INPP5A: variants seen among roughly 807,000 people sequenced by gnomAD.
INPP5A encodes the protein inositol polyphosphate-5-phosphatase A, also known as 43 kDa inositol polyphosphate 5-phophatase.
In INPP5A, 14 loss-of-function variants were observed where a neutral mutation model predicts 65.2. The observed-to-expected ratio is 0.21, with a 90% CI of 0.14 to 0.34. INPP5A has a LOEUF of 0.34. Among genes scored for constraint, INPP5A ranks in the 10% least tolerant of loss-of-function variants. The pLI, the probability that INPP5A is intolerant of heterozygous loss-of-function variation, is 1.00. For missense variants in INPP5A, 431 were observed against 545.6 expected, an observed-to-expected ratio of 0.79 and a Z score of 2.09; for synonymous variants, 207 against 208.3, an observed-to-expected ratio of 0.99 and a Z score of 0.05.
chr10:132,759,729 C>T (rs1049799595), intron 11 of INPP5A, among the ~76,000 whole-genome samples: 37 of 152,052 alleles, frequency 2.4e-4, no homozygotes, highest in African/African-American at 8.0e-4. Context: ...GCAGGAGCCC[C>T]GGCCGTAAGC....
intron 1 of INPP5A, among the ~76,000 whole-genome samples, chr10:132,554,624 G>A (rs547265013): frequency 6.6e-6 from 1 of 151,664 alleles, no homozygotes; most frequent in South Asian, 2.1e-4. Context: ...GGCATGATTA[G>A]CACTGATGTG....
chr10:132,779,740 G>A (rs541493783), intron 13 of INPP5A, among the ~76,000 whole-genome samples: 7 of 152,288 alleles, frequency 4.6e-5, no homozygotes, highest in African/African-American at 9.6e-5. Context: ...GACGGGCGCC[G>A]GGCGCGCTCC....
chr10:132,769,066 G>A (rs1156318095), intron 12 of INPP5A, among the ~76,000 whole-genome samples: 3 of 152,230 alleles, frequency 2.0e-5, no homozygotes, highest in African/African-American at 7.2e-5. Context: ...GGGCGTTGGT[G>A]CGTACACTGG....
rs1846015513 is a variant in INPP5A at position 132,727,979 on chromosome 10, C to T, written c.732+1074C>T. 6.6e-6 allele frequency among the ~76,000 whole-genome samples: 1 copy of T among 152,208 alleles called. No individual in the cohort carries two copies. Among genetic ancestry groups the T allele is most frequent in the South Asian group, 2.1e-4 (1 of 4,832 alleles). On this transcript the variant is annotated intron_variant, in intron 9 of 15. Coordinates refer to ENST00000368594, the MANE Select transcript of INPP5A (RefSeq NM_005539.5). This position sits in a 1 kb window ranked among gnomAD's most constrained non-coding sequence, Gnocchi z 6.5. ...TATTCATCTTCCAACGGTGGCAGGA[C>T]ATTGTTTCTGAAAGACAGACTGAGC...
chr10:132,729,793 A>G (rs961590508), intron 9 of INPP5A, among the ~76,000 whole-genome samples: 11 of 152,208 alleles, frequency 7.2e-5, no homozygotes, highest in Non-Finnish European at 1.6e-4. Flanking sequence ...CTTAACTTTA[A>G]ACATCAAACT....
At chr10:132,582,678 C>T (rs988381763) in intron 1 of INPP5A, among the ~76,000 whole-genome samples, 9 of 152,222 alleles carry the variant, frequency 5.9e-5, no homozygotes, top group Non-Finnish European at 1.2e-4. Context: ...GCATCGAACT[C>T]CCAAAGTGCT....
chr10:132,660,070 C>T (rs1197175965), intron 4 of INPP5A, among the ~76,000 whole-genome samples: 1 of 152,224 alleles, frequency 6.6e-6, no homozygotes, highest in Non-Finnish European at 1.5e-5. Context: ...CACGTTCTGA[C>T]GTCTGCCAAT....
chr10:132,598,087 T>C (rs2071730791), intron 1 of INPP5A, among the ~76,000 whole-genome samples: 2 of 152,258 alleles, frequency 1.3e-5, no homozygotes, highest in Non-Finnish European at 2.9e-5. Context: ...GTCTGGGACC[T>C]ACCCTTCCTA....
rs755003005 is a variant in INPP5A at position 132,603,335 on chromosome 10, C to T, written c.76-4580C>T. 3.3e-5 allele frequency among the ~76,000 whole-genome samples: 5 copies of T among 152,206 alleles called. No homozygotes were observed. The South Asian group carries it at 1.0e-3, about 31-fold the overall frequency. On this transcript the variant is annotated intron_variant, in intron 1 of 15. Coordinates refer to ENST00000368594, the MANE Select transcript of INPP5A (RefSeq NM_005539.5). The surrounding 1 kb of genome is among the most constrained non-coding windows in gnomAD (Gnocchi z 4.2). ...ATTTTATAAGGTCTGTTTCTCCCTTCCCTTCAGAATATGCACTATAGAAAA... is the reference window on the plus strand; with the variant it reads ...ATTTTATAAGGTCTGTTTCTCCCTTTCCTTCAGAATATGCACTATAGAAAA...
rs1433038194 is a variant in INPP5A, at chr10:132,546,534, G to A, written c.75+8363G>A. Among the ~76,000 whole-genome samples, 1 of 152,128 alleles carries A rather than the reference G, an allele frequency of 6.6e-6. No homozygotes were observed. Among genetic ancestry groups the A allele is most frequent in the African/African-American group, 2.4e-5 (1 of 41,432 alleles). ...GACCAGCTGGTTGCTGTGTCGGGGG[G>A]CCGTGCTCCCCCTTCTCTCTTGGAA... On this transcript the variant is annotated intron_variant, in intron 1 of 15. Coordinates refer to ENST00000368594, the MANE Select transcript of INPP5A (RefSeq NM_005539.5). This position sits in a 1 kb window ranked among gnomAD's most constrained non-coding sequence, Gnocchi z 5.7.
intron 7 of INPP5A, among the ~76,000 whole-genome samples, chr10:132,709,621 G>T (rs373224800): frequency 6.6e-6 from 1 of 152,170 alleles, no homozygotes; most frequent in African/African-American, 2.4e-5. Context: ...CTGGAGGAGG[G>T]CAAGACCGCC....
chr10:132,701,187 G>A (rs1037288046), intron 6 of INPP5A, among the ~76,000 whole-genome samples: 1 of 152,228 alleles, frequency 6.6e-6, no homozygotes, highest in Non-Finnish European at 1.5e-5. Flanking sequence ...CCATCTGCCT[G>A]CTGAAGGAAC....
chr10:132,686,021 G>C (rs1448320876), intron 4 of INPP5A, among the ~76,000 whole-genome samples: 1 of 152,234 alleles, frequency 6.6e-6, no homozygotes, highest in East Asian at 1.9e-4. Flanking sequence ...GTTGCGCCCT[G>C]GTCGCCAGTT....
intron 1 of INPP5A, among the ~76,000 whole-genome samples, chr10:132,556,613 C>T (rs1333427879): frequency 6.6e-6 from 1 of 152,222 alleles, no homozygotes; most frequent in African/African-American, 2.4e-5. Flanking sequence ...CACACATGCT[C>T]ATCACACACT....
chr10:132,747,359 G>A (rs149143813), intron 9 of INPP5A, among the ~76,000 whole-genome samples: 143 of 152,382 alleles, frequency 9.4e-4, no homozygotes, highest in African/African-American at 3.1e-3. Flanking sequence ...CCCATCAGCC[G>A]GTCTGTGCTC....
At position 132,782,241 on chromosome 10, in the gene INPP5A, G is replaced by A; in HGVS notation, c.*212G>A. ...TCGTCTGTCTATGTGACATTAAGTA[G>A]AAATATTGGTTTTTTTTTTTTTTTT... On this transcript the variant is annotated 3_prime_UTR_variant, in exon 16 of 16. Coordinates refer to ENST00000368594, the MANE Select transcript of INPP5A (RefSeq NM_005539.5). The surrounding 1 kb of genome is among the most constrained non-coding windows in gnomAD (Gnocchi z 4.4). 2.2e-6 allele frequency: 1 copy of A among 448,088 alleles called. No individual in the cohort carries two copies. The highest frequency in any genetic ancestry group is 2.1e-5 in the South Asian group (1 of 47,742). The allele number at this position is 448,088 out of a possible 1,614,324, so 27.8% of individuals were successfully genotyped here. A position where few individuals can be genotyped will look rare whatever the true frequency, so the allele number is the denominator to read the frequency against.
At chr10:132,775,646 G>T (rs1847052103) in intron 12 of INPP5A, among the ~76,000 whole-genome samples, 2 of 152,120 alleles carry the variant, frequency 1.3e-5, no homozygotes, top group African/African-American at 4.8e-5. Context: ...TCCTCCTGTT[G>T]AGTCGTCTGT....
At chr10:132,599,760 C>T (rs2071753194) in intron 1 of INPP5A, among the ~76,000 whole-genome samples, 1 of 152,248 alleles carries the variant, frequency 6.6e-6, no homozygotes, top group South Asian at 2.1e-4. Context: ...CATACATCTT[C>T]TGAAATCTGG....
chr10:132,644,656 G>A lies in INPP5A; in HGVS notation c.118-1212G>A, dbSNP rs1449380457. On this transcript the variant is annotated intron_variant, in intron 2 of 15. Transcript: ENST00000368594. The surrounding 1 kb of genome is among the most constrained non-coding windows in gnomAD (Gnocchi z 6.5). ...TCTCCCCGCCTTTCCGCTCCTCCAA[G>A]GAAGCTCGTCCTTTTGGGCCCTCAG... Among the ~76,000 whole-genome samples, 1 of 152,226 alleles carries A rather than the reference G, an allele frequency of 6.6e-6. No individual in the cohort carries two copies. The highest frequency in any genetic ancestry group is 1.5e-5 in the Non-Finnish European group (1 of 68,040).
Sources: gnomAD v4.1 joint callset for allele counts (sites outside exome capture counted in the v4.1 genomes callset) on GRCh38, gnomAD v4.1.1 for gene constraint, Gnocchi (gnomAD v3.1) non-coding constraint, MANE v1.5 for transcripts, NCBI Gene and HGNC (gene_info 2026-07-23, HGNC 2026-07-21) for gene names.